TMEM63C: variants seen among roughly 807,000 people sequenced by gnomAD.
TMEM63C encodes osmosensitive cation channel TMEM63C.
In TMEM63C, 32 loss-of-function variants were observed where a neutral mutation model predicts 99.2. That is an observed-to-expected ratio of 0.32 (90% confidence interval 0.24 to 0.43). TMEM63C has a LOEUF of 0.43. TMEM63C is among the 20% of genes least tolerant of loss of function. The pLI is 1.00. For missense variants in TMEM63C, 826 were observed against 1,053.0 expected (o/e 0.78, Z 2.98); for synonymous variants, 376 against 397.9 (o/e 0.94, Z 0.66).
chr14:77,255,185 T>G lies in TMEM63C; in HGVS notation c.2221-1341T>G, dbSNP rs988860857. Among the ~76,000 whole-genome samples, 24 of 152,170 alleles carry G rather than the reference T, an allele frequency of 1.6e-4. 1 individual carries two copies. Among genetic ancestry groups the G allele is most frequent in the Non-Finnish European group, 2.9e-4 (20 of 68,042 alleles). On this transcript the variant is annotated intron_variant, in intron 23 of 23. Coordinates refer to ENST00000298351, the MANE Select transcript of TMEM63C (RefSeq NM_020431.4). The stretch of plus-strand genomic sequence containing the variant: ...TTTGTATTTTTAGTACAGATGGGGT[T>G]TTACCATGTTGGCCAGGCTGGTCTC...
At chr14:77,194,497 C>CTTTTTCTTTCTT (rs56136475) in intron 1 of TMEM63C, among the ~76,000 whole-genome samples, 4 of 114,684 alleles carry the variant, frequency 3.5e-5, no homozygotes, top group African/African-American at 7.9e-5. Context: ...TTTCTTTTTT[C>CTTTTTCTTTCTT]TTTCTTTCTT....
intron 1 of TMEM63C, among the ~76,000 whole-genome samples, chr14:77,205,512 G>C (rs1038476176): frequency 6.6e-6 from 1 of 152,232 alleles, no homozygotes; most frequent in Non-Finnish European, 1.5e-5. Flanking sequence ...ATGGAAGGGA[G>C]GGTGAGATCA....
chr14:77,253,432 A>G (rs558256410), intron 23 of TMEM63C, 56 bp downstream of exon 23: 41 of 1,508,936 alleles, frequency 2.7e-5, no homozygotes, highest in Non-Finnish European at 3.3e-5. Context: ...GGGATGGTCT[A>G]CTCTAGTGGC....
rs2140124836 is a variant in TMEM63C, at chr14:77,239,700, T to C, written c.904T>C (p.Cys302Arg). ...RIHPCARLCF[C>R]KCWTCFKEVD... ...CCACCCCTGTGCCCGCCTGTGCTTC[T>C]GCAAGTGCTGGACCTGCTTCAAGGA... Residue 302 changes from cysteine to arginine, a missense_variant, in exon 12 of 24, where the codon TGC (cysteine) becomes CGC (arginine). By Grantham distance (180) the Cys-to-Arg change is radical. Coordinates refer to ENST00000298351, the MANE Select transcript of TMEM63C (RefSeq NM_020431.4). The C allele has an allele frequency of 6.2e-7, 1 of 1,613,200 alleles. No individual in the cohort carries two copies. Among genetic ancestry groups the C allele is most frequent in the Non-Finnish European group, 8.5e-7 (1 of 1,179,708 alleles).
intron 1 of TMEM63C, among the ~76,000 whole-genome samples, chr14:77,184,911 TAAG>T (rs1056821915): frequency 6.6e-6 from 1 of 152,170 alleles, no homozygotes; most frequent in Non-Finnish European, 1.5e-5. Flanking sequence ...GGGTGGCTCT[TAAG>T]AAGAACAACG....
chr14:77,228,843 A>G (rs1888883588), intron 6 of TMEM63C, among the ~76,000 whole-genome samples: 1 of 152,074 alleles, frequency 6.6e-6, no homozygotes, highest in Non-Finnish European at 1.5e-5. Context: ...GGCCTTAAAA[A>G]TAAATCTGAA....
intron 2 of TMEM63C, among the ~76,000 whole-genome samples, chr14:77,217,148 A>T (rs1594856655): frequency 2.7e-5 from 3 of 112,662 alleles, no homozygotes; most frequent in African/African-American, 4.7e-5. Flanking sequence ...TCTCTCTCTT[A>T]AAAAAAAAAA....
chr14:77,200,327 T>C (rs1159168355), intron 1 of TMEM63C, among the ~76,000 whole-genome samples: 1 of 152,000 alleles, frequency 6.6e-6, no homozygotes, highest in Non-Finnish European at 1.5e-5. Context: ...CCACCACGAG[T>C]CATGGAGGTT....
chr14:77,204,939 T>G (rs921139848), intron 1 of TMEM63C, among the ~76,000 whole-genome samples: 3 of 152,220 alleles, frequency 2.0e-5, no homozygotes, highest in Admixed American at 2.0e-4. Context: ...CCACATTTGC[T>G]GCATACATGA....
intron 1 of TMEM63C, among the ~76,000 whole-genome samples, chr14:77,207,299 C>T (rs775903399): frequency 2.6e-5 from 4 of 152,246 alleles, no homozygotes; most frequent in Non-Finnish European, 5.9e-5. Flanking sequence ...CTGATGGCGT[C>T]CCAACTCCAT....
rs1409230662 is a variant in TMEM63C at position 77,240,548 on chromosome 14, T to C, written c.1004T>C (p.Val335Ala). ...GAGTTCAACGCCGAGCTCAACCGCG[T>C]GCCGCTCAAGCGGCTGGACCTGATC... ...TDEFNAELNR[V>A]PLKRLDLIFV... The change falls in exon 13 of 24, where the codon GTG (valine) becomes GCG (alanine). Residue 335 changes from valine (V) to alanine (A), a missense_variant. Physicochemically the swap from Val to Ala is moderately conservative, Grantham distance 64. Coordinates refer to ENST00000298351, the MANE Select transcript of TMEM63C (RefSeq NM_020431.4). The C allele has an allele frequency of 1.2e-6, 2 of 1,611,936 alleles. No individual in the cohort carries two copies. Among genetic ancestry groups the C allele is most frequent in the Admixed American group, 3.3e-5 (2 of 59,990 alleles).
At chr14:77,187,766 T>C (rs1888028577) in intron 1 of TMEM63C, among the ~76,000 whole-genome samples, 1 of 152,212 alleles carries the variant, frequency 6.6e-6, no homozygotes, top group South Asian at 2.1e-4. Flanking sequence ...GACCCAGCCC[T>C]ATCCCAGGGC....
chr14:77,184,088 G>A (rs1197513370), intron 1 of TMEM63C, among the ~76,000 whole-genome samples: 3 of 152,092 alleles, frequency 2.0e-5, no homozygotes, highest in Admixed American at 6.5e-5. Flanking sequence ...TTGGAAACTT[G>A]TCAAGTGTTT....
intron 6 of TMEM63C, among the ~76,000 whole-genome samples, chr14:77,227,553 A>G (rs1310120108): frequency 6.6e-6 from 1 of 152,244 alleles, no homozygotes; most frequent in Non-Finnish European, 1.5e-5. Flanking sequence ...GAGATGGTGC[A>G]TGGAGGCTGT....
At chr14:77,238,793 C>T (rs754598727) in intron 10 of TMEM63C, 26 bp downstream of exon 10, 13 of 1,591,132 alleles carry the variant, frequency 8.2e-6, no homozygotes, top group Admixed American at 6.7e-5. Flanking sequence ...TAGGCCAAGG[C>T]GTGGATTGCT....
intron 6 of TMEM63C, among the ~76,000 whole-genome samples, chr14:77,231,131 T>C (rs1888932256): frequency 6.6e-6 from 1 of 152,202 alleles, no homozygotes; most frequent in South Asian, 2.1e-4. Context: ...TGTCCAACTT[T>C]CCAACTTTGG....
chr14:77,233,136 T>G (rs1403556104), intron 7 of TMEM63C, among the ~76,000 whole-genome samples: 1 of 152,246 alleles, frequency 6.6e-6, no homozygotes, highest in Non-Finnish European at 1.5e-5. Context: ...AATTTCATCA[T>G]TCTGCTCGTG....
rs1889479744 is a variant in TMEM63C, at chr14:77,257,211, G to C, written c.*485G>C. 6.3e-6 allele frequency: 1 copy of C among 159,844 alleles called. No homozygotes were observed. The highest frequency in any genetic ancestry group is 1.4e-5 in the Non-Finnish European group (1 of 72,658). The allele number at this position is 159,844 out of a possible 1,614,324, so 9.9% of individuals were successfully genotyped here. On this transcript the variant is annotated 3_prime_UTR_variant, in exon 24 of 24. Transcript: ENST00000298351. ...GAGGAGGCAAAGGTATGTGCACGGG[G>C]CACATTGACAGGACACGGAGGACCA... is the stretch of plus-strand genomic sequence containing the variant.
intron 1 of TMEM63C, among the ~76,000 whole-genome samples, chr14:77,192,009 A>G (rs1205588782): frequency 6.6e-6 from 1 of 152,170 alleles, no homozygotes; most frequent in Non-Finnish European, 1.5e-5. Flanking sequence ...ATATGTATTT[A>G]TAGTTGTTAT....
Sources: gnomAD v4.1 joint callset for allele counts (sites outside exome capture counted in the v4.1 genomes callset) on GRCh38, gnomAD v4.1.1 for gene constraint, MANE v1.5 for transcripts, NCBI Gene and HGNC (gene_info 2026-07-23, HGNC 2026-07-21) for gene names.